Variants in MAGI3 observed in about 807,000 individuals in gnomAD.
MAGI3 encodes membrane-associated guanylate kinase, WW and PDZ domain-containing protein 3.
MAGI3 carries 43 observed loss-of-function variants against 121.8 expected under a neutral mutation model. The observed-to-expected ratio is 0.35, with a 90% CI of 0.28 to 0.46. MAGI3 has a LOEUF of 0.46. Ranked by LOEUF, MAGI3 falls within the 20% of genes least tolerant of loss-of-function variation. The pLI is 1.00. For missense variants in MAGI3, 1,547 were observed against 1,797.3 expected, an observed-to-expected ratio of 0.86 and a Z score of 2.52; for synonymous variants, 553 against 639.3, an observed-to-expected ratio of 0.86 and a Z score of 2.04.
intron 1 of MAGI3, among the ~76,000 whole-genome samples, chr1:113,537,104 C>T (rs1487451130): frequency 6.6e-6 from 1 of 152,150 alleles, no homozygotes; most frequent in African/African-American, 2.4e-5. Flanking sequence ...ACCATTAGCA[C>T]ATGAAGTCTT....
chr1:113,588,701 C>T (rs1648527191), intron 4 of MAGI3, among the ~76,000 whole-genome samples: 1 of 152,034 alleles, frequency 6.6e-6, no homozygotes, highest in Non-Finnish European at 1.5e-5. Context: ...TAGGATGGAA[C>T]TGAGAAATGA....
intron 3 of MAGI3, among the ~76,000 whole-genome samples, chr1:113,582,301 C>T (rs1211996382): frequency 2.6e-5 from 4 of 152,026 alleles, no homozygotes; most frequent in Non-Finnish European, 5.9e-5. Flanking sequence ...TCAGGAAAAA[C>T]TGTTGCCCAT....
rs766230155 is a variant in MAGI3 at position 113,594,580 on chromosome 1, C to T, written c.1018+20C>T. 1 of 1,575,900 alleles carries T rather than the reference C, an allele frequency of 6.3e-7. No individual in the cohort carries two copies. Among genetic ancestry groups the T allele is most frequent in the Non-Finnish European group, 8.7e-7 (1 of 1,150,610 alleles). ...ATGGAGGTAGAGATTCAGAAACTTA[C>T]TCTATCATACTTATTCTCTTAATCC... is the stretch of plus-strand genomic sequence containing the variant. On this transcript the variant is annotated intron_variant, in intron 6 of 20. Transcript: ENST00000307546.
chr1:113,603,736 C>T (rs892289268), intron 6 of MAGI3, among the ~76,000 whole-genome samples: 1 of 152,090 alleles, frequency 6.6e-6, no homozygotes, highest in Non-Finnish European at 1.5e-5. Context: ...ATGCATCCGA[C>T]AAAGGACCAA....
At chr1:113,398,847 A>G (rs933190152) in intron 1 of MAGI3, among the ~76,000 whole-genome samples, 10 of 151,972 alleles carry the variant, frequency 6.6e-5, no homozygotes, top group Non-Finnish European at 1.5e-4. Flanking sequence ...CTCTTTGGAT[A>G]TGGTTATCTA....
chr1:113,611,369 T>C lies in MAGI3; in HGVS notation c.1019-3232T>C, dbSNP rs146578012. On this transcript the variant is annotated intron_variant, in intron 6 of 20. Transcript: ENST00000307546. ...TCCCAAAGTGCTGGGATTACAGGCG[T>C]GAGTCACCGTGCCGGCCCATTTTCA... Among the ~76,000 whole-genome samples the C allele has an allele frequency of 2.0e-5, 3 of 152,310 alleles. No individual in the cohort carries two copies. In the East Asian group the frequency reaches 5.8e-4, roughly 29 times the overall value.
chr1:113,410,802 G>A (rs2101332328), intron 1 of MAGI3, among the ~76,000 whole-genome samples: 1 of 152,198 alleles, frequency 6.6e-6, no homozygotes, highest in African/African-American at 2.4e-5. Context: ...CCCTGCCTAA[G>A]TAGTTACATG....
Position 113,682,821 on chromosome 1 carries a change from TGTCA to T in MAGI3, c.3329-75_3329-72del. The T allele has an allele frequency of 5.5e-6, 8 of 1,460,684 alleles. 1 individual carries two copies. Among genetic ancestry groups the T allele is most frequent in the Non-Finnish European group, 7.2e-6 (8 of 1,108,600 alleles). 90.5% of individuals were successfully genotyped at this position (1,460,684 alleles called of 1,614,324 possible). Reference sequence around the variant, plus strand: ...AAGCAGTTACGACAATTCAAATGGCTGTCAAAGTTCAAAACGTATTGTTCCTATT... The same window carrying T: ...AAGCAGTTACGACAATTCAAATGGCTAAGTTCAAAACGTATTGTTCCTATT... On this transcript the variant is annotated intron_variant, in intron 20 of 20. Transcript: ENST00000307546.
At chr1:113,515,439 C>T (rs572795692) in intron 1 of MAGI3, among the ~76,000 whole-genome samples, 5 of 152,126 alleles carry the variant, frequency 3.3e-5, no homozygotes, top group South Asian at 2.1e-4. Flanking sequence ...TCATTAAAAA[C>T]GTTAAAGTTT....
At chr1:113,460,851 ACTC>A (rs1172834296) in intron 1 of MAGI3, among the ~76,000 whole-genome samples, 1 of 151,052 alleles carries the variant, frequency 6.6e-6, no homozygotes, top group East Asian at 1.9e-4. Flanking sequence ...CAGCTTGAAA[ACTC>A]CTCCAGCTGA....
At chr1:113,414,976 G>T (rs548874551) in intron 1 of MAGI3, among the ~76,000 whole-genome samples, 34 of 151,824 alleles carry the variant, frequency 2.2e-4, no homozygotes, top group Non-Finnish European at 4.1e-4. Flanking sequence ...GTGAAATTTG[G>T]TATATAATTT....
At chr1:113,587,216 G>A in intron 4 of MAGI3, among the ~76,000 whole-genome samples, 1 of 123,638 alleles carries the variant, frequency 8.1e-6, no homozygotes, top group East Asian at 2.0e-4. Flanking sequence ...TGTTTGTTTT[G>A]AGACAGAGTC....
In MAGI3 at chr1:113,653,819, G is replaced by A; in HGVS notation, c.2441-11G>A. 1.9e-6 allele frequency: 3 copies of A among 1,586,790 alleles called. No individual in the cohort carries two copies. The highest frequency in any genetic ancestry group is 1.1e-5 in the South Asian group (1 of 87,072). Reference sequence around the variant, plus strand: ...TTCCAGACATATCAAAACTGATCATGTTTATTACAGAAAAACAACCCGAGG... The same window carrying A: ...TTCCAGACATATCAAAACTGATCATATTTATTACAGAAAAACAACCCGAGG... On this transcript the variant is annotated splice_polypyrimidine_tract_variant and intron_variant, in intron 14 of 20. Transcript: ENST00000307546.
intron 6 of MAGI3, among the ~76,000 whole-genome samples, chr1:113,603,649 AAG>A (rs1649548659): frequency 1.3e-5 from 2 of 152,156 alleles, no homozygotes; most frequent in Admixed American, 1.3e-4. Flanking sequence ...TTAAACAAAA[AAG>A]CTTCTACACA....
chr1:113,639,622 C>T (rs537285200), intron 9 of MAGI3, among the ~76,000 whole-genome samples: 4 of 152,150 alleles, frequency 2.6e-5, no homozygotes, highest in Non-Finnish European at 4.4e-5. Context: ...GGCTGGAGTG[C>T]AGTGCTGCGA....
intron 6 of MAGI3, among the ~76,000 whole-genome samples, chr1:113,600,831 T>C (rs1311186823): frequency 6.6e-6 from 1 of 152,162 alleles, no homozygotes; most frequent in Non-Finnish European, 1.5e-5. Context: ...ACTACAAGGC[T>C]ACAGTAACCA....
At chr1:113,481,602 G>T (rs184758334) in intron 1 of MAGI3, among the ~76,000 whole-genome samples, 2 of 152,118 alleles carry the variant, frequency 1.3e-5, no homozygotes, top group Admixed American at 1.3e-4. Flanking sequence ...CTGGTGGCAT[G>T]AATTTGTTAT....
chr1:113,484,634 CT>C (rs1656264218), intron 1 of MAGI3, among the ~76,000 whole-genome samples: 1 of 123,720 alleles, frequency 8.1e-6, no homozygotes. Flanking sequence ...ACCTACCTTT[CT>C]CCCTTCCCTT....
intron 1 of MAGI3, among the ~76,000 whole-genome samples, chr1:113,536,070 A>G (rs1658962852): frequency 6.6e-6 from 1 of 151,462 alleles, no homozygotes; most frequent in Non-Finnish European, 1.5e-5. Flanking sequence ...TATGGCTTCT[A>G]CCCACAATCC....
Sources: allele counts gnomAD v4.1 joint callset (sites outside exome capture counted in the v4.1 genomes callset), GRCh38; gene constraint gnomAD v4.1.1; transcripts MANE v1.5; gene names NCBI Gene and HGNC (gene_info 2026-07-23, HGNC 2026-07-21).